Variants in TBC1D5 observed in about 807,000 individuals in gnomAD.
TBC1D5 encodes the protein TBC1 domain family member 5.
In TBC1D5, 75 loss-of-function variants were observed where a neutral mutation model predicts 100.3. The ratio of observed to expected loss-of-function variants is 0.75; its 90% CI spans 0.62 to 0.91. TBC1D5 has a LOEUF of 0.91. TBC1D5 is among the 40% of genes least tolerant of loss of function. The pLI is 0.00. For synonymous variants in TBC1D5, 323 were observed against 325.6 expected (o/e 0.99, Z 0.09); for missense variants, 910 against 942.4 (o/e 0.97, Z 0.45).
chr3:17,388,041 G>A (rs2093223803), intron 8 of TBC1D5, among the ~76,000 whole-genome samples: 1 of 151,952 alleles, frequency 6.6e-6, no homozygotes, highest in Non-Finnish European at 1.5e-5. Context: ...ATAGGTGAGG[G>A]CGAAACTCTA....
intron 14 of TBC1D5, among the ~76,000 whole-genome samples, chr3:17,306,338 G>A (rs561917357): frequency 2.0e-5 from 3 of 152,180 alleles, no homozygotes; most frequent in Non-Finnish European, 4.4e-5. Context: ...TAAACTTCTT[G>A]AGGACAGGAG....
intron 2 of TBC1D5, among the ~76,000 whole-genome samples, chr3:17,572,707 C>T (rs1012417996): frequency 6.6e-6 from 1 of 152,072 alleles, no homozygotes; most frequent in Non-Finnish European, 1.5e-5. Flanking sequence ...ATTCGACGAC[C>T]ACTTTTGGCA....
intron 3 of TBC1D5, among the ~76,000 whole-genome samples, chr3:17,460,077 T>C (rs2095173399): frequency 6.6e-6 from 1 of 152,254 alleles, no homozygotes; most frequent in Non-Finnish European, 1.5e-5. Context: ...CAGTACGCAC[T>C]GTTTCACTGG....
intron 2 of TBC1D5, among the ~76,000 whole-genome samples, chr3:17,608,130 G>A (rs2061451235): frequency 6.6e-6 from 1 of 152,122 alleles, no homozygotes; most frequent in Non-Finnish European, 1.5e-5. Flanking sequence ...GGTGGCGCGT[G>A]CCTGTAATCC....
At chr3:17,453,256 T>A (rs2094971349) in intron 3 of TBC1D5, among the ~76,000 whole-genome samples, 3 of 149,728 alleles carry the variant, frequency 2.0e-5, no homozygotes, top group Non-Finnish European at 4.5e-5. Context: ...TTTACAGAAC[T>A]AGAAAAGCAA....
At chr3:17,563,943 T>C (rs893310529) in intron 2 of TBC1D5, among the ~76,000 whole-genome samples, 34 of 152,158 alleles carry the variant, frequency 2.2e-4, no homozygotes, top group South Asian at 4.1e-4. Flanking sequence ...CCACCATGCC[T>C]GGCTAATTTT....
At chr3:17,224,543 A>T (rs982920718) in intron 17 of TBC1D5, among the ~76,000 whole-genome samples, 1 of 152,230 alleles carries the variant, frequency 6.6e-6, no homozygotes, top group Non-Finnish European at 1.5e-5. Flanking sequence ...TCAAGAGCTC[A>T]GTGGCTACAT....
chr3:17,202,039 G>C (rs2071525438), intron 18 of TBC1D5, among the ~76,000 whole-genome samples: 1 of 152,142 alleles, frequency 6.6e-6, no homozygotes, highest in Non-Finnish European at 1.5e-5. Flanking sequence ...AGGAAGATGA[G>C]GGAAAGTTTG....
chr3:17,603,516 G>A (rs1047177108), intron 2 of TBC1D5, among the ~76,000 whole-genome samples: 1 of 152,058 alleles, frequency 6.6e-6, no homozygotes, highest in Non-Finnish European at 1.5e-5. Context: ...AAAGGGGGAG[G>A]AACTCTCAGT....
At chr3:17,622,674 T>A (rs1048188444) in intron 2 of TBC1D5, 3 of 151,956 alleles carry the variant, frequency 2.0e-5, no homozygotes, top group Non-Finnish European at 4.4e-5. Flanking sequence ...TTTTAATACA[T>A]CAACATATAA....
chr3:17,594,045 C>T (rs1227613698), intron 2 of TBC1D5, among the ~76,000 whole-genome samples: 1 of 152,142 alleles, frequency 6.6e-6, no homozygotes, highest in Non-Finnish European at 1.5e-5. Flanking sequence ...TTCTGCTGGC[C>T]TAGAAATCAT....
intron 3 of TBC1D5, among the ~76,000 whole-genome samples, chr3:17,498,743 G>A (rs141236038): frequency 2.2e-4 from 33 of 152,090 alleles, no homozygotes; most frequent in African/African-American, 7.7e-4. Flanking sequence ...ACCTCCTAAA[G>A]ACAAACACAC....
At chr3:17,207,686 G>T (rs1026702587) in intron 18 of TBC1D5, among the ~76,000 whole-genome samples, 12 of 152,174 alleles carry the variant, frequency 7.9e-5, no homozygotes, top group African/African-American at 2.9e-4. Flanking sequence ...ACATAAAAAG[G>T]CAATATTAAG....
intron 17 of TBC1D5, among the ~76,000 whole-genome samples, chr3:17,224,423 T>C (rs956453575): frequency 6.6e-6 from 1 of 152,240 alleles, no homozygotes; most frequent in Non-Finnish European, 1.5e-5. Context: ...AATAATCTAT[T>C]ATCAGCCTGA....
At chr3:17,346,827 C>G (rs928823354) in intron 13 of TBC1D5, among the ~76,000 whole-genome samples, 13 of 152,148 alleles carry the variant, frequency 8.5e-5, no homozygotes, top group African/African-American at 3.1e-4. Context: ...ACACTATTTA[C>G]TGAATATTCT....
chr3:17,192,148 C>T (rs1232345926), intron 18 of TBC1D5, among the ~76,000 whole-genome samples: 3 of 151,290 alleles, frequency 2.0e-5, no homozygotes, highest in Admixed American at 6.6e-5. Context: ...TGCTAATTTT[C>T]GGTGGATTTT....
intron 16 of TBC1D5, among the ~76,000 whole-genome samples, chr3:17,257,220 A>T (rs1005788760): frequency 1.3e-5 from 2 of 152,176 alleles, no homozygotes; most frequent in Non-Finnish European, 2.9e-5. Flanking sequence ...CCAGCTAAAA[A>T]GGTCTTGTAT....
chr3:17,674,968 A>C (rs1018285524), intron 1 of TBC1D5, among the ~76,000 whole-genome samples: 1 of 152,168 alleles, frequency 6.6e-6, no homozygotes, highest in African/African-American at 2.4e-5. Flanking sequence ...AATCCCAACC[A>C]TGTTTTATGA....
chr3:17,665,490 A>G (rs1482945374), intron 1 of TBC1D5, among the ~76,000 whole-genome samples: 2 of 152,238 alleles, frequency 1.3e-5, no homozygotes, highest in Admixed American at 6.5e-5. Flanking sequence ...ATCAACCAAC[A>G]GTAGACTGAG....
Sources: gnomAD v4.1 joint callset for allele counts (sites outside exome capture counted in the v4.1 genomes callset) on GRCh38, gnomAD v4.1.1 for gene constraint, MANE v1.5 for transcripts, NCBI Gene and HGNC (gene_info 2026-07-23, HGNC 2026-07-21) for gene names.